Variants in MOCS1 observed in about 807,000 individuals in gnomAD.
MOCS1 encodes molybdenum cofactor synthesis 1, also known as molybdenum cofactor biosynthesis protein 1.
A neutral mutation model predicts 57.6 loss-of-function variants in MOCS1; 39 were observed. That is an observed-to-expected ratio of 0.68 (90% CI 0.52 to 0.88). The LOEUF (loss-of-function observed/expected upper bound fraction) is 0.88, where lower values mean the gene tolerates loss of function less well. Among genes scored for constraint, MOCS1 ranks in the 40% least tolerant of loss-of-function variants. The pLI, the probability that MOCS1 is intolerant of heterozygous loss-of-function variation, is 0.00. For missense variants in MOCS1, 795 were observed against 831.1 expected (o/e 0.96, Z 0.53); for synonymous variants, 334 against 335.7 (o/e 1.00, Z 0.05).
intron 2 of MOCS1, among the ~76,000 whole-genome samples, chr6:39,927,001 T>C (rs1768354463): frequency 1.3e-5 from 2 of 151,732 alleles, no homozygotes; most frequent in Admixed American, 6.6e-5. Flanking sequence ...CCCCTGGCCA[T>C]GTCCTGGACT....
In MOCS1 at chr6:39,912,507, G is replaced by C. The variant is rs558217413; in HGVS notation, c.871-133C>G. ...GGACCCCACGTGAAGCTCCACCCAA[G>C]GCCCTCAGGTGATAGAAGACTCTGG... On this transcript the variant is annotated intron_variant, in intron 7 of 10. Transcript: ENST00000340692. The C allele has an allele frequency of 2.1e-5, 15 of 721,044 alleles. No individual in the cohort carries two copies. In the East Asian group the frequency reaches 4.0e-4, roughly 19 times the overall value. 44.7% of individuals were successfully genotyped at this position (721,044 alleles called of 1,614,324 possible).
At chr6:39,912,411 G>A (rs1047797753) in intron 7 of MOCS1, 37 bp from the exon 8 acceptor site, 17 of 1,444,964 alleles carry the variant, frequency 1.2e-5, no homozygotes, top group East Asian at 2.3e-5. Context: ...GGGCAGTGGA[G>A]GGGATGGGCT....
rs771180167 is a variant in MOCS1 at position 39,904,783 on chromosome 6, ATCTACAG to A, written c.*1567_*1573del. The stretch of plus-strand genomic sequence containing the variant: ...ATGACAAATGAGGCTAATGGACATA[ATCTACAG>A]TGTCCTTTTTCACTTGCACCTTTTT... On this transcript the variant is annotated 3_prime_UTR_variant, in exon 11 of 11. Transcript: ENST00000340692. 1.5e-5 allele frequency: 7 copies of A among 453,982 alleles called. No homozygotes were observed. The highest frequency in any genetic ancestry group is 2.6e-5 in the Non-Finnish European group (6 of 226,806). 28.1% of individuals were successfully genotyped at this position (453,982 alleles called of 1,614,324 possible). A position where few individuals can be genotyped will look rare whatever the true frequency, so the allele number is the denominator to read the frequency against.
Position 39,904,541 on chromosome 6 carries a change from A to C in MOCS1, c.*1816T>G, listed in dbSNP as rs534371827. 1.1e-4 allele frequency: 50 copies of C among 452,952 alleles called. No homozygotes were observed. Among genetic ancestry groups the C allele is most frequent in the South Asian group, 7.0e-4 (45 of 64,490 alleles). 28.1% of individuals were successfully genotyped at this position (452,952 alleles called of 1,614,324 possible). On this transcript the variant is annotated 3_prime_UTR_variant, in exon 11 of 11. Transcript: ENST00000340692. ...TGTAAAATTCGTCATCAACCTAACA[A>C]ACACAACCTTCTCAGCAGCATTTCT...
At position 39,907,123 on chromosome 6, in the gene MOCS1, A is replaced by C. The variant is rs1014411794; in HGVS notation, c.1151-6T>G. The C allele has an allele frequency of 2.5e-6, 4 of 1,606,154 alleles. No individual in the cohort carries two copies. The African/African-American group carries it at 5.4e-5, about 22-fold the overall frequency. Reference sequence around the variant, plus strand: ...GGGGAACATCAAAAATAACTCTGCAAGGCAAGAAGAAAAGAGAAGAAACAC... The same window carrying C: ...GGGGAACATCAAAAATAACTCTGCACGGCAAGAAGAAAAGAGAAGAAACAC... On this transcript the variant is annotated splice_polypyrimidine_tract_variant and splice_region_variant and intron_variant, in intron 10 of 10. Coordinates refer to ENST00000340692, the MANE Select transcript of MOCS1 (RefSeq NM_001358530.2).
At chr6:39,911,632 C>T (rs1767335925) in intron 8 of MOCS1, among the ~76,000 whole-genome samples, 1 of 152,158 alleles carries the variant, frequency 6.6e-6, no homozygotes, top group African/African-American at 2.4e-5. Context: ...CTGCCCTAGC[C>T]CGCCCAACCA....
At chr6:39,924,416 T>C (rs577418197) in intron 3 of MOCS1, among the ~76,000 whole-genome samples, 1 of 152,278 alleles carries the variant, frequency 6.6e-6, no homozygotes, top group East Asian at 1.9e-4. Context: ...ACCTGAGAGC[T>C]TTCACGCCAG....
intron 3 of MOCS1, 82 bp downstream of exon 3, chr6:39,925,596 C>T (rs1031898371): frequency 8.0e-6 from 12 of 1,500,228 alleles, no homozygotes; most frequent in Non-Finnish European, 1.1e-5. Context: ...TGAATGTCAG[C>T]TGCCACTGTT....
At position 39,927,498 on chromosome 6, in the gene MOCS1, G is replaced by A. The variant is rs374459152; in HGVS notation, c.124-43C>T. On this transcript the variant is annotated intron_variant, in intron 1 of 10. Coordinates refer to ENST00000340692, the MANE Select transcript of MOCS1 (RefSeq NM_001358530.2). ...GGAGGAAGCATGGGCCCCTGCTACCGGGCTGGGAAGAGGCACAAGGAGAAC... is the reference window on the plus strand; with the variant it reads ...GGAGGAAGCATGGGCCCCTGCTACCAGGCTGGGAAGAGGCACAAGGAGAAC... 1.9e-5 allele frequency: 31 copies of A among 1,609,834 alleles called. No individual in the cohort carries two copies. The African/African-American group carries it at 2.7e-4, about 14-fold the overall frequency.
chr6:39,925,738 C>CGAT lies in MOCS1; in HGVS notation c.355_357dup (p.Ile119dup), dbSNP rs764508963. 1.4e-5 allele frequency: 23 copies of CGAT among 1,612,706 alleles called. 1 individual carries two copies. The South Asian group carries it at 2.5e-4, about 18-fold the overall frequency. On this transcript the variant is annotated inframe_insertion, in exon 3 of 11. Coordinates refer to ENST00000340692, the MANE Select transcript of MOCS1 (RefSeq NM_001358530.2). ...TCTCCACCTGTGAGCCGGATCTTGTCGATGCCTTCCTTCACAAAGAGCCGG... is the reference window on the plus strand; with the variant it reads ...TCTCCACCTGTGAGCCGGATCTTGTCGATGATGCCTTCCTTCACAAAGAGCCGG...
At chr6:39,908,069 A>T (rs1767065848) in intron 10 of MOCS1, among the ~76,000 whole-genome samples, 1 of 152,206 alleles carries the variant, frequency 6.6e-6, no homozygotes, top group Non-Finnish European at 1.5e-5. Flanking sequence ...TCAGGGCCCA[A>T]CAAGAGGACT....
intron 10 of MOCS1, 137 bp downstream of exon 10, chr6:39,908,918 G>A: frequency 1.3e-6 from 1 of 781,494 alleles, no homozygotes; most frequent in Non-Finnish European, 2.3e-6. Context: ...AAGAAGAGAT[G>A]AAGGAGGAAT....
intron 3 of MOCS1, among the ~76,000 whole-genome samples, chr6:39,922,881 C>T (rs1371499601): frequency 6.6e-6 from 1 of 152,194 alleles, no homozygotes; most frequent in Admixed American, 6.5e-5. Flanking sequence ...TGTTCGTGAA[C>T]ATCCTGGCCC....
In MOCS1 at chr6:39,932,082, T is replaced by C. The variant is rs146329425; in HGVS notation, c.123+2213A>G. Among the ~76,000 whole-genome samples, 12 of 152,224 alleles carry C rather than the reference T, an allele frequency of 7.9e-5. No homozygotes were observed. The East Asian group carries it at 1.4e-3, about 17-fold the overall frequency. On this transcript the variant is annotated intron_variant, in intron 1 of 10. Coordinates refer to ENST00000340692, the MANE Select transcript of MOCS1 (RefSeq NM_001358530.2). ...CGCAATCCTCACAGCCAGCTCCCAC[T>C]TAACCTCACTTCTCTCCCTCACACC...
intron 3 of MOCS1, among the ~76,000 whole-genome samples, chr6:39,924,548 C>T (rs999751446): frequency 2.0e-5 from 3 of 152,182 alleles, no homozygotes; most frequent in African/African-American, 7.2e-5. Context: ...GGGGTTGCCA[C>T]ACTTTTTCTG....
In MOCS1 at chr6:39,905,852, T is replaced by TTCACAGACTTAGGGAGGC. The variant is rs1766871124; in HGVS notation, c.*487_*504dup. On this transcript the variant is annotated 3_prime_UTR_variant, in exon 11 of 11. Transcript: ENST00000340692. ...GGACAGGACAGGGCAGGGCTGCGGCTTCACAGACTTAGGGAGGCAGAGCTG... is the reference window on the plus strand; with the variant it reads ...GGACAGGACAGGGCAGGGCTGCGGCTTCACAGACTTAGGGAGGCTCACAGACTTAGGGAGGCAGAGCTG... 3 of 469,876 alleles carry TTCACAGACTTAGGGAGGC rather than the reference T, an allele frequency of 6.4e-6. No homozygotes were observed. Among genetic ancestry groups the TTCACAGACTTAGGGAGGC allele is most frequent in the Non-Finnish European group, 1.3e-5 (3 of 227,050 alleles). 29.1% of individuals were successfully genotyped at this position (469,876 alleles called of 1,614,324 possible). A position where few individuals can be genotyped will look rare whatever the true frequency, so the allele number is the denominator to read the frequency against.
At chr6:39,924,359 C>T (rs1197986517) in intron 3 of MOCS1, among the ~76,000 whole-genome samples, 2 of 152,172 alleles carry the variant, frequency 1.3e-5, no homozygotes, top group Non-Finnish European at 2.9e-5. Context: ...GCATCAACCA[C>T]GTGTCAGGCA....
rs150483669 is a variant in MOCS1, at chr6:39,930,182, A to G, written c.124-2727T>C. On this transcript the variant is annotated intron_variant, in intron 1 of 10. Transcript: ENST00000340692. The stretch of plus-strand genomic sequence containing the variant: ...TCTCTCCTCTAACACTGCATGCCCT[A>G]CTTTCATTCTTCTACTTTTTTCCCT... 6.3e-4 allele frequency among the ~76,000 whole-genome samples: 96 copies of G among 152,178 alleles called. 1 individual carries two copies. The East Asian group carries it at 0.012, about 19-fold the overall frequency.
At chr6:39,926,613 T>C (rs1481515430) in intron 2 of MOCS1, among the ~76,000 whole-genome samples, 2 of 147,786 alleles carry the variant, frequency 1.4e-5, no homozygotes, top group African/African-American at 5.1e-5. Flanking sequence ...ATGTAAAGCA[T>C]ATAGTACATC....
Sources: allele counts gnomAD v4.1 joint callset (sites outside exome capture counted in the v4.1 genomes callset), GRCh38; gene constraint gnomAD v4.1.1; transcripts MANE v1.5; gene names NCBI Gene and HGNC (gene_info 2026-07-23, HGNC 2026-07-21).